Variants in RNF180 observed in about 807,000 individuals in gnomAD.
RNF180 encodes ring finger protein 180.
RNF180 carries 38 observed loss-of-function variants against 59.2 expected under a neutral mutation model. That is an observed-to-expected ratio of 0.64 (90% CI 0.50 to 0.84). RNF180 has a LOEUF of 0.84. Among genes scored for constraint, RNF180 ranks in the 40% least tolerant of loss-of-function variants. RNF180 has a pLI of 0.00. For missense variants in RNF180, 705 were observed against 700.9 expected (o/e 1.01, Z -0.07); for synonymous variants, 262 against 240.3 (o/e 1.09, Z -0.84).
intron 5 of RNF180, among the ~76,000 whole-genome samples, chr5:64,280,968 A>G (rs955160165): frequency 6.6e-6 from 1 of 152,034 alleles, no homozygotes; most frequent in African/African-American, 2.4e-5. Flanking sequence ...TGTATTTGTC[A>G]TGTCTGATTT....
intron 5 of RNF180, among the ~76,000 whole-genome samples, chr5:64,289,342 C>T (rs952365638): frequency 6.6e-6 from 1 of 152,074 alleles, no homozygotes; most frequent in African/African-American, 2.4e-5. Context: ...AGATATTGGC[C>T]TGAAGTTTCC....
intron 5 of RNF180, among the ~76,000 whole-genome samples, chr5:64,243,215 G>T (rs749648614): frequency 6.6e-6 from 1 of 152,168 alleles, no homozygotes; most frequent in Non-Finnish European, 1.5e-5. Context: ...TACCACAGTG[G>T]CACCTGGAAT....
At chr5:64,296,090 C>T (rs1047944197) in intron 5 of RNF180, among the ~76,000 whole-genome samples, 2 of 152,128 alleles carry the variant, frequency 1.3e-5, no homozygotes, top group African/African-American at 4.8e-5. Context: ...TTATTCCTAA[C>T]ATGACTACAG....
At chr5:64,318,382 C>G (rs895076893) in intron 5 of RNF180, among the ~76,000 whole-genome samples, 1 of 152,108 alleles carries the variant, frequency 6.6e-6, no homozygotes, top group Non-Finnish European at 1.5e-5. Context: ...AGAAATGATT[C>G]ACATCCTGTG....
intron 2 of RNF180, among the ~76,000 whole-genome samples, chr5:64,201,621 T>C (rs1000897724): frequency 2.6e-5 from 4 of 152,252 alleles, no homozygotes; most frequent in African/African-American, 9.6e-5. Context: ...TTTTTGGTTT[T>C]CGTTTGTTTC....
intron 5 of RNF180, among the ~76,000 whole-genome samples, chr5:64,234,500 C>T (rs1468050214): frequency 6.8e-6 from 1 of 147,240 alleles, no homozygotes; most frequent in East Asian, 2.0e-4. Context: ...CGAACATGAT[C>T]AGTGACAATA....
chr5:64,188,232 T>G (rs1334826612), intron 1 of RNF180, among the ~76,000 whole-genome samples: 2 of 152,190 alleles, frequency 1.3e-5, no homozygotes, highest in African/African-American at 2.4e-5. Context: ...ATGCCCTGTG[T>G]AACAATGAGA....
At chr5:64,275,856 T>C (rs754256735) in intron 5 of RNF180, among the ~76,000 whole-genome samples, 1 of 152,100 alleles carries the variant, frequency 6.6e-6, no homozygotes, top group Non-Finnish European at 1.5e-5. Flanking sequence ...CATCTTCTGC[T>C]ACTCCCCTAC....
intron 1 of RNF180, among the ~76,000 whole-genome samples, chr5:64,198,907 C>T (rs1335015609): frequency 1.3e-5 from 2 of 152,128 alleles, no homozygotes; most frequent in Non-Finnish European, 2.9e-5. Flanking sequence ...CCTCTGTCTC[C>T]CGAGTTCAAG....
chr5:64,257,327 T>G (rs1442503002), intron 5 of RNF180, among the ~76,000 whole-genome samples: 1 of 152,220 alleles, frequency 6.6e-6, no homozygotes, highest in African/African-American at 2.4e-5. Flanking sequence ...CAGTATGATA[T>G]TGGCTGTGGG....
chr5:64,340,873 CTT>C (rs1283774322), intron 7 of RNF180, among the ~76,000 whole-genome samples: 1 of 152,026 alleles, frequency 6.6e-6, no homozygotes, highest in African/African-American at 2.4e-5. Flanking sequence ...CACTTCATAA[CTT>C]ATTTTAAAAA....
chr5:64,269,758 G>T (rs994364615), intron 5 of RNF180, among the ~76,000 whole-genome samples: 3 of 152,064 alleles, frequency 2.0e-5, no homozygotes, highest in African/African-American at 7.2e-5. Context: ...AAGTAAAGCT[G>T]ATTTTCAATG....
intron 7 of RNF180, among the ~76,000 whole-genome samples, chr5:64,355,429 A>G (rs1016864676): frequency 1.3e-5 from 2 of 151,928 alleles, no homozygotes; most frequent in Non-Finnish European, 2.9e-5. Context: ...ATCCAAATAA[A>G]TAGACATCCT....
chr5:64,356,480 C>T (rs1489097693), intron 7 of RNF180, among the ~76,000 whole-genome samples: 2 of 151,724 alleles, frequency 1.3e-5, no homozygotes, highest in Non-Finnish European at 2.9e-5. Flanking sequence ...ATAGAATTAC[C>T]GTATGACTCT....
chr5:64,167,872 T>G (rs1749735384), intron 1 of RNF180, among the ~76,000 whole-genome samples: 2 of 152,198 alleles, frequency 1.3e-5, no homozygotes, highest in African/African-American at 4.8e-5. Flanking sequence ...GATGTGTCCT[T>G]TCCTTCATAG....
chr5:64,317,617 CAT>C (rs561573412), intron 5 of RNF180, among the ~76,000 whole-genome samples: 115 of 111,044 alleles, frequency 1.0e-3, no homozygotes, highest in African/African-American at 4.6e-3. Flanking sequence ...CACACACACA[CAT>C]ATATACACAC....
At chr5:64,327,895 T>C (rs1303564510) in intron 6 of RNF180, among the ~76,000 whole-genome samples, 1 of 152,248 alleles carries the variant, frequency 6.6e-6, no homozygotes, top group Non-Finnish European at 1.5e-5. Context: ...TATTGAGATC[T>C]ATCTCTCTCT....
intron 1 of RNF180, among the ~76,000 whole-genome samples, chr5:64,193,099 A>G (rs1385477034): frequency 6.6e-6 from 1 of 151,774 alleles, no homozygotes; most frequent in Non-Finnish European, 1.5e-5. Context: ...TCATAGATGC[A>G]GGGAATAGAA....
chr5:64,263,761 T>C (rs1744494086), intron 5 of RNF180, among the ~76,000 whole-genome samples: 1 of 152,212 alleles, frequency 6.6e-6, no homozygotes, highest in Non-Finnish European at 1.5e-5. Context: ...ACTCAAAAAC[T>C]AGAACAGCCT....
Sources: gnomAD v4.1 joint callset for allele counts (sites outside exome capture counted in the v4.1 genomes callset) on GRCh38, gnomAD v4.1.1 for gene constraint, MANE v1.5 for transcripts, NCBI Gene and HGNC (gene_info 2026-07-23, HGNC 2026-07-21) for gene names.